The following FGGY variants were observed in gnomAD, a reference collection of about 807,000 sequenced individuals.
The protein encoded by FGGY is FGGY carbohydrate kinase domain containing.
Under a neutral mutation model 71.3 loss-of-function variants are expected in FGGY, and 72 were observed. That is an observed-to-expected ratio of 1.01 (90% CI 0.84 to 1.23). The LOEUF (loss-of-function observed/expected upper bound fraction) is 1.23, where lower values mean the gene tolerates loss of function less well. Among genes scored for constraint, FGGY ranks in the 50% most tolerant of loss-of-function variants. FGGY has a pLI of 0.00. For synonymous variants in FGGY, 251 were observed against 250.3 expected (o/e 1.00, Z -0.02); for missense variants, 668 against 682.3 (o/e 0.98, Z 0.23).
intron 1 of FGGY, among the ~76,000 whole-genome samples, chr1:59,309,354 C>T (rs1389792524): frequency 6.6e-6 from 1 of 152,044 alleles, no homozygotes; most frequent in Non-Finnish European, 1.5e-5. Context: ...CTTTGCATTA[C>T]AGGTAGAGGG....
chr1:59,725,047 C>A (rs1229569975), intron 14 of FGGY, among the ~76,000 whole-genome samples: 1 of 152,076 alleles, frequency 6.6e-6, no homozygotes, highest in East Asian at 1.9e-4. Context: ...CCCAAGGTCA[C>A]CTAAATTTTT....
rs529946885 is a variant in FGGY at position 59,496,965 on chromosome 1, G to A, written c.671-15346G>A. On this transcript the variant is annotated intron_variant, in intron 6 of 15. Transcript: ENST00000303721. Reference sequence around the variant, plus strand: ...CTCCTCTGGGAAACACTGATTTAAGGCAACATGACAATTATATGTTAGGTG... The same window carrying A: ...CTCCTCTGGGAAACACTGATTTAAGACAACATGACAATTATATGTTAGGTG... Among the ~76,000 whole-genome samples, 586 of 152,210 alleles carry A rather than the reference G, an allele frequency of 3.8e-3. 7 individuals carry two copies. The highest frequency in any genetic ancestry group is 0.013 in the African/African-American group (560 of 41,510).
chr1:59,433,647 A>G (rs2067835347), intron 5 of FGGY, among the ~76,000 whole-genome samples: 1 of 152,210 alleles, frequency 6.6e-6, no homozygotes, highest in Admixed American at 6.5e-5. Context: ...CAGGGGCTGC[A>G]TTCTGTTTCC....
chr1:59,646,548 A>T (rs1278259107), intron 11 of FGGY, among the ~76,000 whole-genome samples: 1 of 150,468 alleles, frequency 6.6e-6, no homozygotes, highest in African/African-American at 2.4e-5. Flanking sequence ...TTTATTTAAA[A>T]TATGTATTTT....
At chr1:59,551,137 A>G (rs187971009) in intron 7 of FGGY, among the ~76,000 whole-genome samples, 6 of 152,268 alleles carry the variant, frequency 3.9e-5, no homozygotes, top group African/African-American at 1.4e-4. Context: ...GGTAGTGATG[A>G]TGGTGACAGA....
At chr1:59,418,161 A>G (rs1338210728) in intron 5 of FGGY, among the ~76,000 whole-genome samples, 2 of 152,204 alleles carry the variant, frequency 1.3e-5, no homozygotes, top group Non-Finnish European at 2.9e-5. Context: ...AAGATGCATC[A>G]GAGTTTACCA....
At chr1:59,616,020 AC>A (rs2075607144) in intron 9 of FGGY, among the ~76,000 whole-genome samples, 4 of 151,888 alleles carry the variant, frequency 2.6e-5, no homozygotes, top group African/African-American at 9.7e-5. Context: ...AAATAGGAAC[AC>A]TTTTACACTG....
At chr1:59,671,532 G>A (rs116461143) in intron 13 of FGGY, among the ~76,000 whole-genome samples, 1,999 of 152,292 alleles carry the variant, frequency 0.013, 33 homozygotes, top group African/African-American at 0.045. Context: ...CAGAGTAGGT[G>A]GAGGGAGGAA....
At chr1:59,354,918 AG>A (rs2054007823) in intron 4 of FGGY, among the ~76,000 whole-genome samples, 1 of 152,242 alleles carries the variant, frequency 6.6e-6, no homozygotes, top group Non-Finnish European at 1.5e-5. Context: ...GAGGAGCAAC[AG>A]ATTCACTGTG....
intron 10 of FGGY, 78 bp downstream of exon 10, chr1:59,626,127 A>T: frequency 8.4e-7 from 1 of 1,183,582 alleles, no homozygotes; most frequent in South Asian, 1.3e-5. Context: ...CAGTTGGGTG[A>T]TTTTCAGATC....
rs564454743 is a variant in FGGY at position 59,667,320 on chromosome 1, C to T, written c.1334C>T (p.Ala445Val). Residue 445 changes from alanine (A) to valine (V), a missense_variant, in exon 13 of 16, where the codon GCA becomes GTA. By Grantham distance (64) the Ala-to-Val change is moderately conservative. Transcript: ENST00000303721. Reference sequence around the variant, plus strand: ...TTCATTATAGAAGCCATGGAGGCAGCAGGGCACTCAATCAGTACTCTTTTC... The same window carrying T: ...TTCATTATAGAAGCCATGGAGGCAGTAGGGCACTCAATCAGTACTCTTTTC... ...TRFIIEAMEA[A>V]GHSISTLFLC... 14 of 1,614,100 alleles carry T rather than the reference C, an allele frequency of 8.7e-6. No individual in the cohort carries two copies. In the East Asian group the frequency reaches 2.9e-4, roughly 33 times the overall value.
intron 7 of FGGY, among the ~76,000 whole-genome samples, chr1:59,546,720 T>A (rs2095531762): frequency 6.6e-6 from 1 of 151,822 alleles, no homozygotes; most frequent in African/African-American, 2.4e-5. Context: ...TAATTTTTTG[T>A]ATTTTTAGTA....
intron 5 of FGGY, among the ~76,000 whole-genome samples, chr1:59,443,076 A>G (rs973659291): frequency 2.6e-5 from 4 of 152,200 alleles, no homozygotes; most frequent in Non-Finnish European, 5.9e-5. Context: ...TAAAAGATAA[A>G]GAATATTTGT....
intron 13 of FGGY, among the ~76,000 whole-genome samples, chr1:59,668,991 C>CAAAAAA (rs33999903): frequency 1.3e-4 from 5 of 37,100 alleles, no homozygotes; most frequent in Non-Finnish European, 2.5e-4. Flanking sequence ...AACTCCATCT[C>CAAAAAA]AAAAAAAAAA....
At chr1:59,525,224 C>G (rs1184970725) in intron 7 of FGGY, among the ~76,000 whole-genome samples, 7 of 152,214 alleles carry the variant, frequency 4.6e-5, no homozygotes, top group Non-Finnish European at 7.3e-5. Flanking sequence ...TGGCCGGACT[C>G]TGCACTTGCT....
At chr1:59,362,789 C>A (rs534962221) in intron 4 of FGGY, among the ~76,000 whole-genome samples, 39 of 152,284 alleles carry the variant, frequency 2.6e-4, no homozygotes, top group Admixed American at 7.2e-4. Context: ...TTTATACATT[C>A]TTCCTGCATG....
chr1:59,404,916 G>A (rs1230303608), intron 5 of FGGY, among the ~76,000 whole-genome samples: 1 of 152,188 alleles, frequency 6.6e-6, no homozygotes, highest in East Asian at 1.9e-4. Context: ...CGCTGTGCAT[G>A]CTGGGCTGAG....
At chr1:59,702,814 T>A (rs1196744669) in intron 14 of FGGY, among the ~76,000 whole-genome samples, 1 of 152,322 alleles carries the variant, frequency 6.6e-6, no homozygotes, top group East Asian at 1.9e-4. Flanking sequence ...AGGTATTGAA[T>A]GTGTATGGAC....
intron 2 of FGGY, among the ~76,000 whole-genome samples, chr1:59,325,026 C>G (rs1189935995): frequency 2.0e-5 from 3 of 152,144 alleles, no homozygotes; most frequent in Non-Finnish European, 4.4e-5. Context: ...ATACTCTTCT[C>G]TTAACTTCCT....
Sources: gnomAD v4.1 joint callset for allele counts (sites outside exome capture counted in the v4.1 genomes callset) on GRCh38, gnomAD v4.1.1 for gene constraint, MANE v1.5 for transcripts, NCBI Gene and HGNC (gene_info 2026-07-23, HGNC 2026-07-21) for gene names.